The following DNAJA1 variants were observed in gnomAD, a reference collection of about 807,000 sequenced individuals.
DNAJA1 encodes the protein DnaJ heat shock protein family (Hsp40) member A1.
DNAJA1 carries 26 observed loss-of-function variants against 47.6 expected under a neutral mutation model. The ratio of observed to expected loss-of-function variants is 0.55; its 90% CI spans 0.40 to 0.76. The LOEUF (loss-of-function observed/expected upper bound fraction) is 0.76, where lower values mean the gene tolerates loss of function less well. DNAJA1 is among the 30% of genes least tolerant of loss of function. The pLI is 0.00. For synonymous variants in DNAJA1, 165 were observed against 158.4 expected, an observed-to-expected ratio of 1.04 and a Z score of -0.31; for missense variants, 315 against 485.0, an observed-to-expected ratio of 0.65 and a Z score of 3.29.
At position 33,038,826 on chromosome 9, in the gene DNAJA1, C is replaced by T. The variant is rs1216516061; in HGVS notation, c.1117C>T (p.Arg373Trp). The change falls in exon 9 of 9, where the codon CGG becomes TGG. Residue 373 changes from arginine to tryptophan, a missense_variant. Coordinates refer to ENST00000330899, the MANE Select transcript of DNAJA1 (RefSeq NM_001539.4). ...LVDFDPNQER[R>W]RHYNGEAYED... Reference sequence around the variant, plus strand: ...GGACTTTGATCCAAATCAGGAAAGACGGCGCCACTACAATGGAGAAGCATA... The same window carrying T: ...GGACTTTGATCCAAATCAGGAAAGATGGCGCCACTACAATGGAGAAGCATA... 8 of 1,613,854 alleles carry T rather than the reference C, an allele frequency of 5.0e-6. No homozygotes were observed. Among genetic ancestry groups the T allele is most frequent in the Admixed American group, 1.7e-5 (1 of 59,996 alleles).
rs1011513694 is a variant in DNAJA1 at position 33,026,767 on chromosome 9, C to T, written c.133-46C>T. 6.2e-6 allele frequency: 10 copies of T among 1,600,826 alleles called. No homozygotes were observed. The East Asian group carries it at 6.7e-5, about 11-fold the overall frequency. The stretch of plus-strand genomic sequence containing the variant: ...GATCAAGTGTAATGTAGCTAGGTAA[C>T]ACTTGTTTTTTAAAAAATGAAATTC... On this transcript the variant is annotated intron_variant, in intron 2 of 8. Transcript: ENST00000330899.
intron 6 of DNAJA1, among the ~76,000 whole-genome samples, chr9:33,035,390 G>C (rs914867771): frequency 6.6e-6 from 1 of 151,302 alleles, no homozygotes; most frequent in African/African-American, 2.4e-5. Context: ...TTTTACAAAT[G>C]TCTGAAGATA....
intron 8 of DNAJA1, among the ~76,000 whole-genome samples, chr9:33,037,582 T>C (rs1386422471): frequency 1.3e-5 from 2 of 152,088 alleles, no homozygotes; most frequent in Non-Finnish European, 2.9e-5. Context: ...CTCGGGAGGC[T>C]GAGGTGGGAG....
At chr9:33,035,824 G>T (rs1839024932) in intron 6 of DNAJA1, among the ~76,000 whole-genome samples, 1 of 152,200 alleles carries the variant, frequency 6.6e-6, no homozygotes, top group South Asian at 2.1e-4. Flanking sequence ...TGAGAAGGAG[G>T]AAGTGGGCTG....
chr9:33,033,651 C>T (rs1316929201), intron 5 of DNAJA1, among the ~76,000 whole-genome samples: 2 of 152,156 alleles, frequency 1.3e-5, no homozygotes, highest in East Asian at 3.8e-4. Flanking sequence ...GTTTGTGCCA[C>T]TGCACTCCAG....
At chr9:33,030,344 A>G in intron 4 of DNAJA1, 96 bp from the exon 5 acceptor site, 1 of 1,218,992 alleles carries the variant, frequency 8.2e-7, no homozygotes, top group Admixed American at 2.3e-5. Context: ...CTTCGAAAAT[A>G]TTAAAAGTAT....
At position 33,039,260 on chromosome 9, in the gene DNAJA1, A is replaced by G. The variant is rs1839082079; in HGVS notation, c.*357A>G. 5.1e-6 allele frequency: 1 copy of G among 195,834 alleles called. No individual in the cohort carries two copies. The highest frequency in any genetic ancestry group is 1.1e-5 in the Non-Finnish European group (1 of 94,080). 12.1% of individuals were successfully genotyped at this position (195,834 alleles called of 1,614,324 possible). The stretch of plus-strand genomic sequence containing the variant: ...GTGTATGACCCTTCATTGTTAAGCT[A>G]TGAAAGTAAAACTCTGTATTTAACT... On this transcript the variant is annotated 3_prime_UTR_variant, in exon 9 of 9. Transcript: ENST00000330899.
chr9:33,029,606 A>T (rs1447416457), intron 3 of DNAJA1, among the ~76,000 whole-genome samples: 1 of 152,244 alleles, frequency 6.6e-6, no homozygotes, highest in Non-Finnish European at 1.5e-5. Context: ...AGTGACTTTG[A>T]AGGTAATGCT....
intron 6 of DNAJA1, chr9:33,036,086 G>C (rs1839028551): frequency 6.6e-6 from 1 of 152,176 alleles, no homozygotes; most frequent in African/African-American, 2.4e-5. Context: ...GGAACTACAG[G>C]TGCGCGCCAC....
At chr9:33,031,047 T>A (rs998641963) in intron 5 of DNAJA1, among the ~76,000 whole-genome samples, 2 of 152,234 alleles carry the variant, frequency 1.3e-5, no homozygotes, top group Non-Finnish European at 2.9e-5. Flanking sequence ...ATAGGCATAC[T>A]TTTAAGGATT....
chr9:33,034,513 T>G (rs777674767), intron 6 of DNAJA1, among the ~76,000 whole-genome samples, 183 bp downstream of exon 6: 2 of 152,236 alleles, frequency 1.3e-5, no homozygotes, highest in Admixed American at 6.5e-5. Flanking sequence ...TTTAGCTTTT[T>G]GTCTCTAAGT....
intron 8 of DNAJA1, among the ~76,000 whole-genome samples, chr9:33,038,087 C>G (rs916899799): frequency 6.6e-6 from 1 of 151,862 alleles, no homozygotes; most frequent in African/African-American, 2.4e-5. Context: ...TCACTGTAAC[C>G]TCCACCTCCT....
chr9:33,038,602 G>GT (rs1564015604), intron 8 of DNAJA1, 83 bp from the exon 9 acceptor site: 1 of 1,319,156 alleles, frequency 7.6e-7, no homozygotes, highest in Non-Finnish European at 1.0e-6. Context: ...GTTTACATGT[G>GT]TTTTTCTGGG....
At chr9:33,027,077 T>C in intron 3 of DNAJA1, 87 bp downstream of exon 3, 1 of 1,490,846 alleles carries the variant, frequency 6.7e-7, no homozygotes, top group Non-Finnish European at 9.2e-7. Flanking sequence ...TTTAAATGCT[T>C]GTTTACATGT....
At chr9:33,033,429 AG>A (rs1440225809) in intron 5 of DNAJA1, among the ~76,000 whole-genome samples, 2 of 152,082 alleles carry the variant, frequency 1.3e-5, no homozygotes, top group African/African-American at 4.8e-5. Flanking sequence ...TTTCAGGCAC[AG>A]GGGCTCAGGT....
intron 3 of DNAJA1, among the ~76,000 whole-genome samples, chr9:33,027,409 T>C (rs905763084): frequency 7.9e-5 from 12 of 152,020 alleles, no homozygotes; most frequent in Non-Finnish European, 1.5e-4. Context: ...CCACCTGCCT[T>C]GGCCTCCCAG....
At chr9:33,025,902 A>C (rs920625077) in intron 1 of DNAJA1, among the ~76,000 whole-genome samples, 1 of 152,164 alleles carries the variant, frequency 6.6e-6, no homozygotes, top group Non-Finnish European at 1.5e-5. Flanking sequence ...GGTCAGCGCC[A>C]AGTGCAAGGG....
chr9:33,034,478 G>A, intron 6 of DNAJA1, 148 bp downstream of exon 6: 1 of 629,630 alleles, frequency 1.6e-6, no homozygotes, highest in Non-Finnish European at 2.7e-6. Flanking sequence ...CAGATCATAA[G>A]AGGTTGAATA....
At chr9:33,029,163 C>T (rs913009526) in intron 3 of DNAJA1, among the ~76,000 whole-genome samples, 2 of 152,204 alleles carry the variant, frequency 1.3e-5, no homozygotes, top group African/African-American at 4.8e-5. Context: ...AACAAAAATA[C>T]GGTTTCTTAG....
Sources: allele counts gnomAD v4.1 joint callset (sites outside exome capture counted in the v4.1 genomes callset), GRCh38; gene constraint gnomAD v4.1.1; transcripts MANE v1.5; gene names NCBI Gene and HGNC (gene_info 2026-07-23, HGNC 2026-07-21).